The following SLC44A5 variants were observed in gnomAD, a reference collection of about 807,000 sequenced individuals.
SLC44A5 encodes the protein choline transporter-like protein 5.
SLC44A5 carries 57 observed loss-of-function variants against 101.8 expected under a neutral mutation model. That is an observed-to-expected ratio of 0.56 (90% CI 0.45 to 0.70). The LOEUF is 0.70. SLC44A5 is among the 30% of genes least tolerant of loss of function. The pLI, the probability that SLC44A5 is intolerant of heterozygous loss-of-function variation, is 0.00. For missense variants in SLC44A5, 737 were observed against 853.1 expected (o/e 0.86, Z 1.70); for synonymous variants, 281 against 290.9 (o/e 0.97, Z 0.35).
At chr1:75,327,369 T>C (rs1214117249) in intron 4 of SLC44A5, among the ~76,000 whole-genome samples, 1 of 152,184 alleles carries the variant, frequency 6.6e-6, no homozygotes, top group Non-Finnish European at 1.5e-5. Flanking sequence ...GAAATCTAAA[T>C]GACAATATGA....
intron 2 of SLC44A5, among the ~76,000 whole-genome samples, chr1:75,475,022 C>T (rs1191310711): frequency 3.9e-5 from 6 of 152,322 alleles, no homozygotes; most frequent in South Asian, 2.1e-4. Flanking sequence ...CGTTGTGTGT[C>T]GCCCCTGAGT....
rs748790514 is a variant in SLC44A5, at chr1:75,218,535, T to C, written c.1484A>G (p.Asp495Gly). Reference protein sequence around the residue: ...TYYWAMKKPDDIPRYPLFTAF... With the variant: ...TYYWAMKKPDGIPRYPLFTAF... The stretch of plus-strand genomic sequence containing the variant: ...AGTAAAAAGTGGATATCGTGGGATG[T>C]CATCAGGTTTTTTCATGGCCCAGTA... Residue 495 changes from aspartate (D) to glycine (G), a missense_variant, in exon 17 of 24, where the codon GAC becomes GGC. Physicochemically the swap from Asp to Gly is moderately conservative, Grantham distance 94. Transcript: ENST00000370859. 2 of 1,613,700 alleles carry C rather than the reference T, an allele frequency of 1.2e-6. No individual in the cohort carries two copies. Among genetic ancestry groups the C allele is most frequent in the African/African-American group, 1.3e-5 (1 of 74,904 alleles).
At chr1:75,590,291 T>C (rs1014608086) in intron 1 of SLC44A5, among the ~76,000 whole-genome samples, 1 of 152,082 alleles carries the variant, frequency 6.6e-6, no homozygotes, top group Non-Finnish European at 1.5e-5. Flanking sequence ...AGCTGACAGA[T>C]GACAATTCTA....
intron 6 of SLC44A5, among the ~76,000 whole-genome samples, chr1:75,255,948 A>G (rs531500515): frequency 6.6e-6 from 1 of 152,240 alleles, no homozygotes; most frequent in South Asian, 2.1e-4. Context: ...TGAAGAGACA[A>G]AGAAGACATT....
At position 75,499,158 on chromosome 1, in the gene SLC44A5, A is replaced by G. The variant is rs538519972; in HGVS notation, c.13+42277T>C. On this transcript the variant is annotated intron_variant, in intron 2 of 23. Transcript: ENST00000370859. ...TTATAACATCTAGGTTTGTGTAAAA[A>G]TACTCTAAGGCAGTGTTCCCCAACC... Among the ~76,000 whole-genome samples the G allele has an allele frequency of 6.6e-4, 101 of 152,262 alleles. 1 individual carries two copies. The highest frequency in any genetic ancestry group is 2.3e-3 in the African/African-American group (95 of 41,538).
intron 2 of SLC44A5, among the ~76,000 whole-genome samples, chr1:75,429,607 C>T (rs1664497874): frequency 6.6e-6 from 1 of 152,128 alleles, no homozygotes; most frequent in Non-Finnish European, 1.5e-5. Flanking sequence ...GCTCTGCAGG[C>T]TGTATAAGAA....
At chr1:75,463,150 G>A (rs150249365) in intron 2 of SLC44A5, among the ~76,000 whole-genome samples, 7 of 152,246 alleles carry the variant, frequency 4.6e-5, no homozygotes, top group Admixed American at 2.6e-4. Context: ...GGCTGGGCAC[G>A]GTGGCTCACG....
At chr1:75,333,676 G>C (rs908751380) in intron 4 of SLC44A5, among the ~76,000 whole-genome samples, 2 of 152,134 alleles carry the variant, frequency 1.3e-5, no homozygotes, top group African/African-American at 4.8e-5. Flanking sequence ...AGTTCAGTAG[G>C]AGAGGCAGAT....
chr1:75,538,801 A>C (rs928280864), intron 2 of SLC44A5, among the ~76,000 whole-genome samples: 1 of 152,176 alleles, frequency 6.6e-6, no homozygotes, highest in Admixed American at 6.5e-5. Flanking sequence ...TTTTGTGCTA[A>C]TTTACCCAAG....
intron 1 of SLC44A5, among the ~76,000 whole-genome samples, chr1:75,553,564 T>C (rs1047388978): frequency 1.3e-5 from 2 of 152,052 alleles, no homozygotes; most frequent in Admixed American, 1.3e-4. Context: ...ACACAAAAAA[T>C]GTAACTTAAG....
At chr1:75,255,453 A>AT (rs1314564897) in intron 6 of SLC44A5, among the ~76,000 whole-genome samples, 2 of 151,644 alleles carry the variant, frequency 1.3e-5, no homozygotes, top group African/African-American at 2.4e-5. Context: ...AACAAAAAAA[A>AT]ATCAAAAGAA....
At chr1:75,529,022 A>G (rs894333102) in intron 2 of SLC44A5, among the ~76,000 whole-genome samples, 15 of 152,158 alleles carry the variant, frequency 9.9e-5, no homozygotes, top group African/African-American at 3.4e-4. Flanking sequence ...TCACTGTTAC[A>G]TTATCTTGTT....
intron 3 of SLC44A5, among the ~76,000 whole-genome samples, chr1:75,369,482 G>C (rs182804540): frequency 6.6e-6 from 1 of 152,204 alleles, no homozygotes; most frequent in Non-Finnish European, 1.5e-5. Flanking sequence ...GTTCTTTTCA[G>C]TGCAATGACA....
At chr1:75,702,787 T>A in the SLC44A5 span, among the ~76,000 whole-genome samples, 1 of 152,158 alleles carries the variant, frequency 6.6e-6, no homozygotes, top group Middle Eastern at 3.4e-3. Flanking sequence ...ATCCAGAATC[T>A]ACAATGAACT....
chr1:75,365,487 C>A (rs999570520), intron 3 of SLC44A5, among the ~76,000 whole-genome samples: 5 of 152,132 alleles, frequency 3.3e-5, no homozygotes, highest in African/African-American at 4.8e-5. Flanking sequence ...CATGTTTCCT[C>A]AAGGATCTAG....
At position 75,215,789 on chromosome 1, in the gene SLC44A5, C is replaced by T. The variant is rs1244723340; in HGVS notation, c.1693G>A (p.Ala565Thr). Reference protein sequence around the residue: ...LRCCFWCLENAIKFLNRNAYI... With the variant: ...LRCCFWCLENTIKFLNRNAYI... ...GCATTTCTGTTTAAAAACTTTATTG[C>T]ATTTTCCAAACACCAGAAGCAGCAT... is the stretch of plus-strand genomic sequence containing the variant. The change falls in exon 19 of 24, where the codon GCA becomes ACA. Residue 565 changes from alanine (A) to threonine (T), a missense_variant. By Grantham distance (58) the Ala-to-Thr change is moderately conservative. Around this residue, in one of 3 missense-constraint regions of SLC44A5, gnomAD observed 665 missense variants for 764.4 expected, o/e 0.87. Coordinates refer to ENST00000370859, the MANE Select transcript of SLC44A5 (RefSeq NM_001130058.2). 1.2e-6 allele frequency: 2 copies of T among 1,607,866 alleles called. No homozygotes were observed. The highest frequency in any genetic ancestry group is 2.2e-5 in the East Asian group (1 of 44,708).
the SLC44A5 span, among the ~76,000 whole-genome samples, chr1:75,701,304 C>T: frequency 1.3e-5 from 2 of 152,286 alleles, no homozygotes; most frequent in African/African-American, 4.8e-5. Context: ...AAACCTTGTC[C>T]ACCATGATCG....
intron 4 of SLC44A5, among the ~76,000 whole-genome samples, chr1:75,327,860 C>A (rs1345863786): frequency 1.3e-5 from 2 of 152,226 alleles, no homozygotes; most frequent in Non-Finnish European, 2.9e-5. Context: ...CTCTTCCAGT[C>A]TTTGCCTTTA....
chr1:75,553,924 A>T (rs1041680449), intron 1 of SLC44A5, among the ~76,000 whole-genome samples: 1 of 151,904 alleles, frequency 6.6e-6, no homozygotes, highest in African/African-American at 2.4e-5. Context: ...AGCTAGGGGT[A>T]AATTGCACCA....
Sources: allele counts gnomAD v4.1 joint callset (sites outside exome capture counted in the v4.1 genomes callset), GRCh38; gene constraint gnomAD v4.1.1; regional missense constraint gnomAD v4.1.1; transcripts MANE v1.5; gene names NCBI Gene and HGNC (gene_info 2026-07-23, HGNC 2026-07-21).